Variants in PKP4 observed in about 807,000 individuals in gnomAD.
PKP4 encodes the protein plakophilin-4.
Under a neutral mutation model 145.1 loss-of-function variants are expected in PKP4, and 90 were observed. The observed-to-expected ratio is 0.62, with a 90% CI of 0.52 to 0.74. The LOEUF is 0.74. Ranked by LOEUF, PKP4 falls within the 30% of genes least tolerant of loss-of-function variation. PKP4 has a pLI of 0.00. For missense variants in PKP4, 1,340 were observed against 1,482.7 expected, an observed-to-expected ratio of 0.90 and a Z score of 1.58; for synonymous variants, 563 against 577.2, an observed-to-expected ratio of 0.98 and a Z score of 0.35.
At chr2:158,511,988 G>T (rs2105530210) in intron 1 of PKP4, among the ~76,000 whole-genome samples, 1 of 152,256 alleles carries the variant, frequency 6.6e-6, no homozygotes, top group East Asian at 1.9e-4. Context: ...TTTTTAAAGT[G>T]TTATGGTATA....
At chr2:158,626,295 T>C (rs946502261) in intron 7 of PKP4, among the ~76,000 whole-genome samples, 4 of 152,254 alleles carry the variant, frequency 2.6e-5, no homozygotes, top group African/African-American at 7.2e-5. Flanking sequence ...TGGAATTCTA[T>C]CATATAGATC....
At chr2:158,547,370 T>C (rs1183671261) in intron 2 of PKP4, among the ~76,000 whole-genome samples, 3 of 152,130 alleles carry the variant, frequency 2.0e-5, no homozygotes, top group Non-Finnish European at 2.9e-5. Flanking sequence ...TGGATGAATC[T>C]CAAAAATCTG....
chr2:158,471,692 T>C (rs1559185740), intron 1 of PKP4, among the ~76,000 whole-genome samples: 2 of 152,238 alleles, frequency 1.3e-5, no homozygotes, highest in Non-Finnish European at 1.5e-5. Flanking sequence ...TCCAATCTTA[T>C]TCATAGTTAC....
chr2:158,650,301 C>T (rs1308586321), intron 11 of PKP4, among the ~76,000 whole-genome samples: 2 of 152,182 alleles, frequency 1.3e-5, no homozygotes, highest in Non-Finnish European at 1.5e-5. Flanking sequence ...AATGCCTTTC[C>T]AGGGAACATA....
At chr2:158,516,615 A>C (rs1374611342) in intron 1 of PKP4, among the ~76,000 whole-genome samples, 1 of 152,060 alleles carries the variant, frequency 6.6e-6, no homozygotes, top group Non-Finnish European at 1.5e-5. Flanking sequence ...CTAAAAAGAC[A>C]ACCACTAGGT....
intron 3 of PKP4, among the ~76,000 whole-genome samples, chr2:158,600,112 G>T (rs909837778): frequency 6.6e-6 from 1 of 152,112 alleles, no homozygotes; most frequent in Non-Finnish European, 1.5e-5. Context: ...CTGATTTTTC[G>T]TATTAAAATG....
intron 10 of PKP4, among the ~76,000 whole-genome samples, chr2:158,641,865 T>C (rs560016149): frequency 6.6e-6 from 1 of 152,326 alleles, no homozygotes; most frequent in East Asian, 1.9e-4. Context: ...ATTGCACTGC[T>C]GGAGTGAAAG....
At chr2:158,476,395 A>C (rs535353025) in intron 1 of PKP4, among the ~76,000 whole-genome samples, 1 of 152,210 alleles carries the variant, frequency 6.6e-6, no homozygotes, top group Non-Finnish European at 1.5e-5. Flanking sequence ...CAGTGGTGTG[A>C]GTATAGCTCA....
chr2:158,462,180 A>G (rs930352387), intron 1 of PKP4, among the ~76,000 whole-genome samples: 2 of 152,322 alleles, frequency 1.3e-5, no homozygotes, highest in African/African-American at 2.4e-5. Flanking sequence ...TCTGAATTGC[A>G]AGCATGAGGG....
chr2:158,582,138 A>C (rs1574608645), intron 3 of PKP4, among the ~76,000 whole-genome samples: 2 of 152,162 alleles, frequency 1.3e-5, no homozygotes, highest in African/African-American at 4.8e-5. Context: ...AAGTACACTA[A>C]AGTTATCTAT....
At chr2:158,498,458 T>G (rs1237032427) in intron 1 of PKP4, among the ~76,000 whole-genome samples, 1 of 152,256 alleles carries the variant, frequency 6.6e-6, no homozygotes, top group African/African-American at 2.4e-5. Context: ...TTTAAAAATG[T>G]TAACATTTTA....
At chr2:158,580,188 A>C (rs1384206363) in intron 3 of PKP4, among the ~76,000 whole-genome samples, 1 of 152,222 alleles carries the variant, frequency 6.6e-6, no homozygotes, top group Admixed American at 6.5e-5. Context: ...TTTTAAGGCT[A>C]TATCGTTCAT....
rs1219908327 is a variant in PKP4, at chr2:158,625,065, C to T, written c.791C>T (p.Thr264Ile). ...CTGAACCCCAGTGCATATTCCTCCA[C>T]CACATTACCTGCTGCACGGGCAGCC... is the stretch of plus-strand genomic sequence containing the variant. ...RPLNPSAYSS[T>I]TLPAARAASP... Residue 264 changes from threonine (T) to isoleucine (I), a missense_variant, in exon 7 of 22, where the codon ACC becomes ATC. Thr to Ile is a moderately conservative substitution (Grantham distance 89). Coordinates refer to ENST00000389759, the MANE Select transcript of PKP4 (RefSeq NM_003628.6). The T allele has an allele frequency of 6.2e-7, 1 of 1,614,202 alleles. No individual in the cohort carries two copies. The highest frequency in any genetic ancestry group is 8.5e-7 in the Non-Finnish European group (1 of 1,180,026).
At chr2:158,605,804 C>T (rs1412809922) in intron 4 of PKP4, among the ~76,000 whole-genome samples, 2 of 152,168 alleles carry the variant, frequency 1.3e-5, no homozygotes, top group East Asian at 3.8e-4. Flanking sequence ...TACCCCCAAA[C>T]TTACCAGTCT....
At chr2:158,647,891 ATCTTGTCAC>A (rs2054979004) in intron 11 of PKP4, among the ~76,000 whole-genome samples, 1 of 152,242 alleles carries the variant, frequency 6.6e-6, no homozygotes, top group Admixed American at 6.5e-5. Context: ...AGATGGGAAC[ATCTTGTCAC>A]TAAAAAAGAT....
chr2:158,579,936 A>G (rs2048193713), intron 3 of PKP4, among the ~76,000 whole-genome samples: 1 of 152,118 alleles, frequency 6.6e-6, no homozygotes, highest in Non-Finnish European at 1.5e-5. Context: ...CAGTGTGTGC[A>G]TGTGGAGTAA....
rs775803883 is a variant in PKP4 at position 158,622,314 on chromosome 2, T to C, written c.603+893T>C. On this transcript the variant is annotated intron_variant, in intron 6 of 21. Coordinates refer to ENST00000389759, the MANE Select transcript of PKP4 (RefSeq NM_003628.6). The stretch of plus-strand genomic sequence containing the variant: ...TTCTCTAACTTGATAGCAAAAAATA[T>C]ATATTGCATGTATATTTATAAAAAC... Among the ~76,000 whole-genome samples the C allele has an allele frequency of 9.2e-5, 14 of 152,176 alleles. 1 individual carries two copies. Among genetic ancestry groups the C allele is most frequent in the African/African-American group, 4.8e-5 (2 of 41,448 alleles).
intron 2 of PKP4, among the ~76,000 whole-genome samples, chr2:158,554,497 C>T (rs1414260272): frequency 6.6e-6 from 1 of 150,478 alleles, no homozygotes. Flanking sequence ...GCAATCTTGG[C>T]TCACTGCAAG....
chr2:158,551,030 T>G (rs1430165675), intron 2 of PKP4, among the ~76,000 whole-genome samples: 1 of 152,248 alleles, frequency 6.6e-6, no homozygotes, highest in African/African-American at 2.4e-5. Flanking sequence ...TCACCATTTT[T>G]AGAATAAGAT....
Sources: allele counts gnomAD v4.1 joint callset (sites outside exome capture counted in the v4.1 genomes callset), GRCh38; gene constraint gnomAD v4.1.1; transcripts MANE v1.5; gene names NCBI Gene and HGNC (gene_info 2026-07-23, HGNC 2026-07-21).